CPM: variants seen among roughly 807,000 people sequenced by gnomAD.
CPM encodes the protein carboxypeptidase M.
CPM carries 35 observed loss-of-function variants against 46.4 expected under a neutral mutation model. The observed-to-expected ratio is 0.75, with a 90% CI of 0.58 to 1.00. The LOEUF (loss-of-function observed/expected upper bound fraction) is 1.00. Among genes scored for constraint, CPM ranks in the 50% least tolerant of loss-of-function variants. CPM has a pLI of 0.00. For missense variants in CPM, 422 were observed against 530.4 expected, an observed-to-expected ratio of 0.80 and a Z score of 2.01; for synonymous variants, 195 against 195.3, an observed-to-expected ratio of 1.00 and a Z score of 0.01.
intron 3 of CPM, among the ~76,000 whole-genome samples, chr12:68,873,915 C>T (rs887205763): frequency 1.3e-5 from 2 of 151,952 alleles, no homozygotes; most frequent in African/African-American, 4.8e-5. Context: ...AAGCAATTCT[C>T]CTGCCTCACC....
intron 2 of CPM, among the ~76,000 whole-genome samples, chr12:68,907,875 C>T (rs570730163): frequency 6.6e-6 from 1 of 152,286 alleles, no homozygotes; most frequent in East Asian, 1.9e-4. Context: ...GTTGCCCAAG[C>T]TGGAGTGCAG....
downstream of CPM, chr12:68,846,816 G>GTAA (rs1884326840): frequency 3.3e-5 from 5 of 151,860 alleles, no homozygotes; most frequent in African/African-American, 1.2e-4. Flanking sequence ...GTACTTACTC[G>GTAA]CCTAGTGACC....
chr12:68,910,001 TGAAGAAGAA>T (rs745570335), intron 2 of CPM, among the ~76,000 whole-genome samples: 1 of 150,356 alleles, frequency 6.7e-6, no homozygotes, highest in Non-Finnish European at 1.5e-5. Flanking sequence ...ATAATAATAA[TGAAGAAGAA>T]GAAGAAGAGG....
At chr12:68,916,094 C>T (rs769349318) in intron 2 of CPM, among the ~76,000 whole-genome samples, 6 of 152,226 alleles carry the variant, frequency 3.9e-5, no homozygotes, top group Non-Finnish European at 7.3e-5. Context: ...TGCTCACGCA[C>T]ACAGCTGTTA....
At chr12:68,877,545 G>A (rs892811363) in intron 3 of CPM, among the ~76,000 whole-genome samples, 7 of 152,092 alleles carry the variant, frequency 4.6e-5, no homozygotes, top group African/African-American at 1.7e-4. Context: ...TCATGACAGG[G>A]ACTTGGGATA....
At chr12:68,906,911 G>A (rs934926788) in intron 2 of CPM, among the ~76,000 whole-genome samples, 9 of 152,236 alleles carry the variant, frequency 5.9e-5, no homozygotes, top group Admixed American at 5.9e-4. Flanking sequence ...GGACTGCATA[G>A]TATTCCGTCA....
chr12:68,933,483 G>C (rs1405024985), upstream of CPM, among the ~76,000 whole-genome samples: 1 of 152,154 alleles, frequency 6.6e-6, no homozygotes, highest in African/African-American at 2.4e-5. Flanking sequence ...TGTAGCCTGG[G>C]CAGCCACAGG....
chr12:68,910,364 G>C (rs1160002695), intron 2 of CPM, among the ~76,000 whole-genome samples: 1 of 152,030 alleles, frequency 6.6e-6, no homozygotes, highest in Non-Finnish European at 1.5e-5. Context: ...TTACTCATAA[G>C]ACAAAACTGT....
At chr12:68,944,522 G>A (rs774047896) in intron 1 of CPM, among the ~76,000 whole-genome samples, 12 of 152,222 alleles carry the variant, frequency 7.9e-5, no homozygotes, top group Middle Eastern at 6.8e-3. Flanking sequence ...TCCCATCTCA[G>A]CCTTCTGAGC....
intron 1 of CPM, among the ~76,000 whole-genome samples, chr12:68,959,423 A>G (rs78409306): frequency 3.3e-5 from 5 of 152,152 alleles, no homozygotes; most frequent in Non-Finnish European, 7.3e-5. Flanking sequence ...AAAAAAAAAA[A>G]TTACCTAAAG....
At chr12:68,952,451 G>T (rs566131122) in intron 1 of CPM, among the ~76,000 whole-genome samples, 2 of 152,066 alleles carry the variant, frequency 1.3e-5, no homozygotes, top group South Asian at 4.1e-4. Context: ...TCTCCAGGAC[G>T]GGCTACATGA....
intron 2 of CPM, among the ~76,000 whole-genome samples, chr12:68,908,688 A>G (rs1409792858): frequency 6.6e-6 from 1 of 152,232 alleles, no homozygotes; most frequent in Non-Finnish European, 1.5e-5. Context: ...TGAAAAGGGT[A>G]TAGAATATAT....
At chr12:68,875,109 G>A (rs888760654) in intron 3 of CPM, among the ~76,000 whole-genome samples, 20 of 152,146 alleles carry the variant, frequency 1.3e-4, no homozygotes, top group Non-Finnish European at 2.4e-4. Flanking sequence ...CAAGCACTTT[G>A]GGAGGCTGAG....
intron 2 of CPM, among the ~76,000 whole-genome samples, chr12:68,916,243 T>C (rs1482931168): frequency 1.3e-5 from 2 of 152,170 alleles, no homozygotes; most frequent in Non-Finnish European, 1.5e-5. Flanking sequence ...TCAGTTTCTG[T>C]ATAGGTTGGC....
Position 68,871,867 on chromosome 12 carries a change from A to G in CPM, c.348T>C (p.Ser116=). Residue 116 remains serine (S), a synonymous_variant, in exon 4 of 9, where the codon AGT becomes AGC. Transcript: ENST00000551568. ...TGGAAGGCATGATGTGTATCCGGGT[A>G]CTATTGATCAGATTTGTGATTTCAG... ...KDPEITNLIN[S]TRIHIMPSMN... is the part of the protein sequence containing the mutation. 6.2e-7 allele frequency: 1 copy of G among 1,614,198 alleles called. No individual in the cohort carries two copies. The highest frequency in any genetic ancestry group is 1.1e-5 in the South Asian group (1 of 91,084).
chr12:68,918,011 C>A (rs1383638256), intron 2 of CPM, among the ~76,000 whole-genome samples: 2 of 152,166 alleles, frequency 1.3e-5, no homozygotes, highest in Non-Finnish European at 2.9e-5. Context: ...TGCACCATAC[C>A]CTTTGCTGTA....
At chr12:68,912,474 C>T (rs1373646861) in intron 2 of CPM, among the ~76,000 whole-genome samples, 3 of 152,036 alleles carry the variant, frequency 2.0e-5, no homozygotes, top group Admixed American at 2.0e-4. Context: ...TGGACCCTAC[C>T]GTCTAACTTA....
At chr12:68,903,350 T>A (rs1444184589) in intron 2 of CPM, among the ~76,000 whole-genome samples, 1 of 152,192 alleles carries the variant, frequency 6.6e-6, no homozygotes, top group Admixed American at 6.5e-5. Context: ...TTATGTTCAA[T>A]ATATCCAAAG....
chr12:68,891,223 C>T (rs1434098663), intron 2 of CPM, among the ~76,000 whole-genome samples: 1 of 152,240 alleles, frequency 6.6e-6, no homozygotes, highest in East Asian at 1.9e-4. Context: ...AGAAGTTTAT[C>T]ACATATGGCA....
Sources: allele counts gnomAD v4.1 joint callset (sites outside exome capture counted in the v4.1 genomes callset), GRCh38; gene constraint gnomAD v4.1.1; transcripts MANE v1.5; gene names NCBI Gene and HGNC (gene_info 2026-07-23, HGNC 2026-07-21).